The following KIAA0825 variants were observed in gnomAD, a reference collection of about 807,000 sequenced individuals.
KIAA0825 encodes the protein KIAA0825.
KIAA0825 carries 119 observed loss-of-function variants against 147.6 expected under a neutral mutation model. The observed-to-expected ratio is 0.81, with a 90% CI of 0.69 to 0.94. The LOEUF (loss-of-function observed/expected upper bound fraction) is 0.94. Among genes scored for constraint, KIAA0825 ranks in the 40% least tolerant of loss-of-function variants. The pLI is 0.00. For synonymous variants in KIAA0825, 470 were observed against 518.1 expected, an observed-to-expected ratio of 0.91 and a Z score of 1.26; for missense variants, 1,381 against 1,472.7, an observed-to-expected ratio of 0.94 and a Z score of 1.02.
intron 20 of KIAA0825, among the ~76,000 whole-genome samples, chr5:94,206,659 C>T (rs1772229511): frequency 6.6e-6 from 1 of 152,150 alleles, no homozygotes; most frequent in South Asian, 2.1e-4. Flanking sequence ...TGTTGAGAAC[C>T]TTTAATCTAA....
intron 2 of KIAA0825, among the ~76,000 whole-genome samples, chr5:94,552,689 T>G (rs1775765887): frequency 6.6e-6 from 1 of 152,212 alleles, no homozygotes; most frequent in Admixed American, 6.5e-5. Context: ...GAAGAAAATT[T>G]AAGTTTCTTG....
At chr5:94,171,491 A>G (rs770820508) in intron 20 of KIAA0825, among the ~76,000 whole-genome samples, 1 of 152,162 alleles carries the variant, frequency 6.6e-6, no homozygotes, top group Non-Finnish European at 1.5e-5. Flanking sequence ...AAGTTGTATG[A>G]GGGTAGAGAC....
At chr5:94,533,216 G>A (rs1262700897) in intron 3 of KIAA0825, among the ~76,000 whole-genome samples, 1 of 150,338 alleles carries the variant, frequency 6.7e-6, no homozygotes, top group Non-Finnish European at 1.5e-5. Context: ...CTCACCTCGT[G>A]ATCCGCCCGC....
At chr5:94,229,447 T>G (rs1323430422) in intron 20 of KIAA0825, among the ~76,000 whole-genome samples, 3 of 152,064 alleles carry the variant, frequency 2.0e-5, no homozygotes, top group Non-Finnish European at 4.4e-5. Context: ...TCTCTTTTCA[T>G]GTATTGTACA....
At chr5:94,199,101 G>C (rs1039469504) in intron 20 of KIAA0825, among the ~76,000 whole-genome samples, 1 of 152,124 alleles carries the variant, frequency 6.6e-6, no homozygotes, top group African/African-American at 2.4e-5. Context: ...TGATCATTTT[G>C]AGGTAAGAAG....
intron 20 of KIAA0825, among the ~76,000 whole-genome samples, chr5:94,330,387 C>T (rs145154873): frequency 2.0e-5 from 3 of 152,104 alleles, no homozygotes; most frequent in African/African-American, 4.8e-5. Context: ...CTGATCAAAA[C>T]GGAATTGAAG....
chr5:94,533,149 T>G (rs1361959871), intron 3 of KIAA0825, among the ~76,000 whole-genome samples: 11 of 150,768 alleles, frequency 7.3e-5, no homozygotes, highest in African/African-American at 2.2e-4. Context: ...CGGCTAATTT[T>G]TTGTATTTTT....
At chr5:94,561,938 T>C (rs1777627392) in intron 2 of KIAA0825, among the ~76,000 whole-genome samples, 1 of 152,162 alleles carries the variant, frequency 6.6e-6, no homozygotes, top group Non-Finnish European at 1.5e-5. Context: ...TTGAGTATTA[T>C]TAAACAGAAA....
chr5:94,265,460 T>C (rs990205072), intron 20 of KIAA0825, among the ~76,000 whole-genome samples: 16 of 152,200 alleles, frequency 1.1e-4, no homozygotes, highest in Non-Finnish European at 2.4e-4. Context: ...GGGATCACTC[T>C]ACTAGTACTC....
chr5:94,553,321 TC>T (rs1775893010), intron 2 of KIAA0825, among the ~76,000 whole-genome samples: 1 of 150,878 alleles, frequency 6.6e-6, no homozygotes, highest in African/African-American at 2.4e-5. Context: ...GCGCTTGTAA[TC>T]CCAGCTACTC....
chr5:94,227,592 T>TA (rs567861827), intron 20 of KIAA0825, among the ~76,000 whole-genome samples: 72 of 145,368 alleles, frequency 5.0e-4, no homozygotes, highest in Admixed American at 7.6e-4. Context: ...TCAGGAAAAT[T>TA]AAAAAAAAAA....
At chr5:94,168,314 A>C (rs919482264) in intron 20 of KIAA0825, among the ~76,000 whole-genome samples, 1 of 152,118 alleles carries the variant, frequency 6.6e-6, no homozygotes, top group Non-Finnish European at 1.5e-5. Flanking sequence ...GCTACTACTA[A>C]TGCAGTAAAA....
intron 7 of KIAA0825, among the ~76,000 whole-genome samples, chr5:94,475,011 C>A (rs887162359): frequency 7.9e-5 from 12 of 152,018 alleles, no homozygotes; most frequent in Middle Eastern, 6.8e-3. Context: ...ATCGCTGGAA[C>A]CTGGGAGGCG....
At chr5:94,529,360 A>ATC (rs1448307805) in intron 3 of KIAA0825, among the ~76,000 whole-genome samples, 18 of 144,554 alleles carry the variant, frequency 1.2e-4, no homozygotes, top group South Asian at 4.3e-4. Context: ...ATATGTATAT[A>ATC]TCATATATGT....
At chr5:94,544,677 C>A (rs1260986130) in intron 2 of KIAA0825, among the ~76,000 whole-genome samples, 1 of 152,114 alleles carries the variant, frequency 6.6e-6, no homozygotes, top group African/African-American at 2.4e-5. Flanking sequence ...AATATATGTG[C>A]TTAGTCCTCT....
intron 2 of KIAA0825, among the ~76,000 whole-genome samples, chr5:94,566,034 T>G (rs1388186139): frequency 6.6e-6 from 1 of 152,208 alleles, no homozygotes; most frequent in Non-Finnish European, 1.5e-5. Context: ...ATATCTATCT[T>G]TCTGTTCCTG....
intron 20 of KIAA0825, among the ~76,000 whole-genome samples, chr5:94,159,311 C>G (rs894731318): frequency 1.3e-5 from 2 of 152,194 alleles, no homozygotes; most frequent in African/African-American, 2.4e-5. Flanking sequence ...ATTTCTTAAT[C>G]TCTCTGTGCA....
chr5:94,384,367 C>T lies in KIAA0825; in HGVS notation c.3710+1G>A. 1 of 1,551,614 alleles carries T rather than the reference C, an allele frequency of 6.4e-7. No homozygotes were observed. ...ACCCCCAAGGTCCCCAATTTTATTA[C>T]CTGTTTTTGAGCAGCACACTGAAGG... On this transcript the variant is annotated splice_donor_variant, in intron 20 of 20. Coordinates refer to ENST00000682413, the MANE Select transcript of KIAA0825 (RefSeq NM_001145678.3). LOFTEE classifies it high-confidence loss of function.
At chr5:94,179,009 A>C (rs1769359787) in intron 20 of KIAA0825, among the ~76,000 whole-genome samples, 1 of 152,130 alleles carries the variant, frequency 6.6e-6, no homozygotes, top group East Asian at 1.9e-4. Flanking sequence ...CATTTTTCTA[A>C]GTGAAAGAAG....
Sources: allele counts gnomAD v4.1 joint callset (sites outside exome capture counted in the v4.1 genomes callset), GRCh38; gene constraint gnomAD v4.1.1; transcripts MANE v1.5; gene names NCBI Gene and HGNC (gene_info 2026-07-23, HGNC 2026-07-21).